Variants in TTN observed in about 807,000 individuals in gnomAD.
The protein encoded by TTN is titin, also known as connectin.
TTN carries 1,525 observed loss-of-function variants against 3,223.0 expected under a neutral mutation model. The ratio of observed to expected loss-of-function variants is 0.47; its 90% confidence interval spans 0.45 to 0.49. The LOEUF is 0.49. TTN is among the 20% of genes least tolerant of loss of function. The pLI, the probability that TTN is intolerant of heterozygous loss-of-function variation, is 0.00. For missense variants in TTN, 40,786 were observed against 43,424.0 expected (o/e 0.94, Z 5.40); for synonymous variants, 14,094 against 15,161.0 (o/e 0.93, Z 5.17).
chr2:178,688,773 C>T lies in TTN; in HGVS notation c.32101G>A (p.Val10701Ile). The T allele has an allele frequency of 6.2e-7, 1 of 1,603,590 alleles. No homozygotes were observed. The highest frequency in any genetic ancestry group is 8.5e-7 in the Non-Finnish European group (1 of 1,171,170). ...AKKAPPPRAE[V>I]SKKTVVEEKR... ...TCTTCTACAACAGTTTTCTTAGAGA[C>T]TTCAGCTTTAAGAAAGTGTTAAAGT... is the stretch of plus-strand genomic sequence containing the variant. Residue 10701 changes from valine to isoleucine, a missense_variant, in exon 126 of 363, where the codon GTC becomes ATC. Coordinates refer to ENST00000589042, the MANE Select transcript of TTN (RefSeq NM_001267550.2).
At chr2:178,586,202 G>A (rs534880299) in intron 308 of TTN, among the ~76,000 whole-genome samples, 44 of 152,184 alleles carry the variant, frequency 2.9e-4, no homozygotes, top group African/African-American at 1.0e-3. Flanking sequence ...GTGGTGATGA[G>A]CTTTTCTTCA....
At chr2:178,799,777 G>A (rs748436189) in intron 5 of TTN, 46 bp from the exon 6 acceptor site, 2 of 1,614,028 alleles carry the variant, frequency 1.2e-6, no homozygotes. Context: ...GAATAGCTGG[G>A]GACGCAACAG....
In TTN at chr2:178,608,467, A is replaced by G. The variant is rs367794487; in HGVS notation, c.52416T>C (p.Asp17472=). The G allele has an allele frequency of 6.3e-7, 1 of 1,593,876 alleles. No homozygotes were observed. Among genetic ancestry groups the G allele is most frequent in the Non-Finnish European group, 8.5e-7 (1 of 1,170,970 alleles). The change falls in exon 275 of 363, where the codon GAT becomes GAC. Residue 17472 remains aspartate (D), a synonymous_variant. Coordinates refer to ENST00000589042, the MANE Select transcript of TTN (RefSeq NM_001267550.2). ...CTTCCACAATGGGCTTATCTGGTGC[A>G]TCAGGTGGTCCTGATAAAAAAATAA... is the stretch of plus-strand genomic sequence containing the variant. ...LVAKDPFGPP[D]APDKPIVEDV... is the part of the protein sequence containing the mutation.
rs375297413 is a variant in TTN, at chr2:178,757,662, C to T, written c.10558G>A (p.Gly3520Ser). Reference sequence around the variant, plus strand: ...TCAACTATAAGCATTAAAGCCATGCCTGTGGACTCCTCAAAATGGAAAACT... The same window carrying T: ...TCAACTATAAGCATTAAAGCCATGCTTGTGGACTCCTCAAAATGGAAAACT... Reference protein sequence around the residue: ...DVVFHFEESTGMALMLIVDAY... With the variant: ...DVVFHFEESTSMALMLIVDAY... The change falls in exon 45 of 363, where the codon GGC becomes AGC. Residue 3520 changes from glycine (G) to serine (S), a missense_variant. Transcript: ENST00000589042. The T allele has an allele frequency of 1.2e-6, 2 of 1,613,860 alleles. No homozygotes were observed. Among genetic ancestry groups the T allele is most frequent in the Non-Finnish European group, 1.7e-6 (2 of 1,179,812 alleles).
In TTN at chr2:178,771,248, C is replaced by T; in HGVS notation, c.8079G>A (p.Val2693=). ...LDDIGEYTYK[V]ATSKTSAKLK... is the part of the protein sequence containing the mutation. ...GTTTGGCAGATGTTTTGGAGGTGGC[C>T]ACCTTGTAGGTATATTCTCCAATGT... Residue 2693 remains valine, a synonymous_variant, in exon 34 of 363, where the codon GTG becomes GTA. Coordinates refer to ENST00000589042, the MANE Select transcript of TTN (RefSeq NM_001267550.2). The T allele has an allele frequency of 6.2e-7, 1 of 1,614,036 alleles. No homozygotes were observed.
rs1007331943 is a variant in TTN at position 178,536,077 on chromosome 2, A to G, written c.100670T>C (p.Ile33557Thr). The G allele has an allele frequency of 1.8e-5, 29 of 1,608,698 alleles. No homozygotes were observed. The highest frequency in any genetic ancestry group is 2.4e-5 in the Non-Finnish European group (28 of 1,176,234). The part of the protein sequence containing the change: ...EFKGGYHQLI[I>T]ASVTDDDATV... Reference sequence around the variant, plus strand: ...GGCATCATCATCTGTGACACTTGCAATGATGAGCTGGTGGTAGCCACCCTT... The same window carrying G: ...GGCATCATCATCTGTGACACTTGCAGTGATGAGCTGGTGGTAGCCACCCTT... Residue 33557 changes from isoleucine (I) to threonine (T), a missense_variant, in exon 357 of 363, where the codon ATT (isoleucine) becomes ACT (threonine). Coordinates refer to ENST00000589042, the MANE Select transcript of TTN (RefSeq NM_001267550.2).
In TTN at chr2:178,550,213, T is replaced by A; in HGVS notation, c.91625A>T (p.Glu30542Val). The A allele has an allele frequency of 6.2e-7, 1 of 1,613,600 alleles. No individual in the cohort carries two copies. The highest frequency in any genetic ancestry group is 8.5e-7 in the Non-Finnish European group (1 of 1,179,690). Residue 30542 changes from glutamate to valine, a missense_variant, in exon 337 of 363, where the codon GAG becomes GTG. Coordinates refer to ENST00000589042, the MANE Select transcript of TTN (RefSeq NM_001267550.2). ...YFDGLIIKSG[E>V]SLRIKALVQG... ...TACCAAAGCTTTAATTCTAAGGCTC[T>A]CTCCGGACTTAATAATGAGACCATC...
rs369139618 is a variant in TTN, at chr2:178,608,625, A to G, written c.52386T>C (p.Leu17462=). Residue 17462 remains leucine (L), a synonymous_variant, in exon 274 of 363, where the codon CTT becomes CTC. Coordinates refer to ENST00000589042, the MANE Select transcript of TTN (RefSeq NM_001267550.2). Reference sequence around the variant, plus strand: ...ACTTACCAAATGGATCTTTAGCCACAAGTGGCTTTGAAACACATGGTGGAC... The same window carrying G: ...ACTTACCAAATGGATCTTTAGCCACGAGTGGCTTTGAAACACATGGTGGAC... ...GPGPPCVSKP[L]VAKDPFGPPD... 3.7e-6 allele frequency: 6 copies of G among 1,611,076 alleles called. No individual in the cohort carries two copies. In the African/African-American group the frequency reaches 8.0e-5, roughly 21 times the overall value.
chr2:178,534,542 C>T lies in TTN; in HGVS notation c.102073G>A (p.Glu34025Lys). ...FLAETNQQII[E>K]NIMNAEYTFD... Reference sequence around the variant, plus strand: ...GTATATTCAGCATTCATGATATTCTCAATGATCTGTTGGTTAGTTTCAGCC... The same window carrying T: ...GTATATTCAGCATTCATGATATTCTTAATGATCTGTTGGTTAGTTTCAGCC... Residue 34025 changes from glutamate (E) to lysine (K), a missense_variant, in exon 358 of 363, where the codon GAG becomes AAG. Transcript: ENST00000589042. The T allele has an allele frequency of 1.2e-6, 2 of 1,613,818 alleles. No homozygotes were observed. The highest frequency in any genetic ancestry group is 1.3e-5 in the African/African-American group (1 of 75,028).
Position 178,618,317 on chromosome 2 carries a change from C to A in TTN, c.47141G>T (p.Cys15714Phe), listed in dbSNP as rs750388617. The A allele has an allele frequency of 6.2e-7, 1 of 1,612,690 alleles. No homozygotes were observed. The change falls in exon 252 of 363, where the codon TGT (cysteine) becomes TTT (phenylalanine). Residue 15714 changes from cysteine to phenylalanine, a missense_variant. Physicochemically the swap from Cys to Phe is radical, Grantham distance 205 (BLOSUM62 -2). Coordinates refer to ENST00000589042, the MANE Select transcript of TTN (RefSeq NM_001267550.2). ...CTGTAGACCAGTGACAGTAAACTCA[C>A]AACTCTCTGCACGGTCTGTGGCCAG... The part of the protein sequence containing the change: ...WVLATDRAES[C>F]EFTVTGLQKG...
chr2:178,676,939 A>G (rs1255329788), intron 147 of TTN, among the ~76,000 whole-genome samples: 2 of 151,692 alleles, frequency 1.3e-5, no homozygotes, highest in African/African-American at 4.8e-5. Context: ...CTCCATGAAA[A>G]CTATGATGTT....
In TTN at chr2:178,554,020, TC is replaced by T. The variant is rs1294863159; in HGVS notation, c.89090del (p.Gly29697AspfsTer15). ...TIRDTRQKVT[G>X]LTENSDYQYR... is the part of the protein sequence containing the mutation. ...ATTGATAGTCACTGTTTTCTGTGAG[TC>T]CTGTTACTTTTTGTCTGGTGTCACG... is the stretch of plus-strand genomic sequence containing the variant. On this transcript the variant is annotated frameshift_variant, in exon 333 of 363. Coordinates refer to ENST00000589042, the MANE Select transcript of TTN (RefSeq NM_001267550.2). LOFTEE classifies it high-confidence loss of function. 6.2e-7 allele frequency: 1 copy of T among 1,613,704 alleles called. No individual in the cohort carries two copies. The highest frequency in any genetic ancestry group is 2.2e-5 in the East Asian group (1 of 44,866).
intron 111 of TTN, 101 bp downstream of exon 111, chr2:178,701,019 C>T: frequency 2.0e-6 from 2 of 990,532 alleles, no homozygotes; most frequent in African/African-American, 1.6e-5. Flanking sequence ...GCAATTCCAC[C>T]TCTTGACCAC....
Position 178,717,196 on chromosome 2 carries a change from A to G in TTN, c.25538T>C (p.Leu8513Pro). The G allele has an allele frequency of 6.2e-7, 1 of 1,613,682 alleles. No homozygotes were observed. Among genetic ancestry groups the G allele is most frequent in the Non-Finnish European group, 8.5e-7 (1 of 1,179,666 alleles). ...GCCTTTGCCTACTTTGAGAACTGTCAGAGTGGCAGTATTTTCTACCAAAGT... is the reference window on the plus strand; with the variant it reads ...GCCTTTGCCTACTTTGAGAACTGTCGGAGTGGCAGTATTTTCTACCAAAGT... Reference protein sequence around the residue: ...KMTLVENTATLTVLKVGKGDA... With the variant: ...KMTLVENTATPTVLKVGKGDA... Residue 8513 changes from leucine to proline, a missense_variant, in exon 88 of 363, where the codon CTG (leucine) becomes CCG (proline). Coordinates refer to ENST00000589042, the MANE Select transcript of TTN (RefSeq NM_001267550.2).
intron 47 of TTN, among the ~76,000 whole-genome samples, chr2:178,743,777 T>C (rs907103994): frequency 6.6e-6 from 1 of 152,010 alleles, no homozygotes; most frequent in South Asian, 2.1e-4. Context: ...TCCTAATCTA[T>C]AGAATTAGTT....
chr2:178,639,832 T>A, intron 222 of TTN, 44 bp from the exon 223 acceptor site: 1 of 1,527,278 alleles, frequency 6.5e-7, no homozygotes, highest in Non-Finnish European at 8.8e-7. Context: ...ATTTGTCACT[T>A]CCTAAAAACT....
chr2:178,572,427 C>T lies in TTN; in HGVS notation c.73705G>A (p.Val24569Ile), dbSNP rs755676676. The T allele has an allele frequency of 5.6e-6, 9 of 1,612,920 alleles. No homozygotes were observed. In the South Asian group the frequency reaches 9.9e-5, roughly 18 times the overall value. Residue 24569 changes from valine to isoleucine, a missense_variant, in exon 326 of 363, where the codon GTT becomes ATT. Coordinates refer to ENST00000589042, the MANE Select transcript of TTN (RefSeq NM_001267550.2). ...RESTRKAYSTVATNCHKTSWK... is the reference protein window; with the variant it reads ...RESTRKAYSTIATNCHKTSWK... The stretch of plus-strand genomic sequence containing the variant: ...GAAGTCTTGTGGCAGTTTGTTGCAA[C>T]AGTTGAATATGCTTTTCTTGTTGAT...
chr2:178,533,356 G>A lies in TTN; in HGVS notation c.103259C>T (p.Ala34420Val). The change falls in exon 358 of 363, where the codon GCT becomes GTT. Residue 34420 changes from alanine to valine, a missense_variant. By Grantham distance (64) the Ala-to-Val change is moderately conservative. Coordinates refer to ENST00000589042, the MANE Select transcript of TTN (RefSeq NM_001267550.2). ...AGGCAAAGTGTCCCTGATGTGCAGA[G>A]CATAATAATCCAAGCCTTCATGGAT... is the stretch of plus-strand genomic sequence containing the variant. Reference protein sequence around the residue: ...EIIHEGLDYYALHIRDTLPED... With the variant: ...EIIHEGLDYYVLHIRDTLPED... 6.2e-7 allele frequency: 1 copy of A among 1,613,580 alleles called. No homozygotes were observed. Among genetic ancestry groups the A allele is most frequent in the Non-Finnish European group, 8.5e-7 (1 of 1,179,854 alleles).
At chr2:178,758,690 G>A (rs746630994) in intron 44 of TTN, 16 of 403,708 alleles carry the variant, frequency 4.0e-5, no homozygotes, top group African/African-American at 6.0e-5. Context: ...AGCATATTTC[G>A]CCCCCTTCTG....
Sources: allele counts gnomAD v4.1 joint callset (sites outside exome capture counted in the v4.1 genomes callset), GRCh38; gene constraint gnomAD v4.1.1; transcripts MANE v1.5; gene names NCBI Gene and HGNC (gene_info 2026-07-23, HGNC 2026-07-21).